DLGAP2: variants seen among roughly 807,000 people sequenced by gnomAD.
The protein encoded by DLGAP2 is disks large-associated protein 2.
DLGAP2 carries 26 observed loss-of-function variants against 100.3 expected under a neutral mutation model. That is an observed-to-expected ratio of 0.26 (90% CI 0.19 to 0.36). The LOEUF (loss-of-function observed/expected upper bound fraction) is 0.36. Ranked by LOEUF, DLGAP2 falls within the 10% of genes least tolerant of loss-of-function variation. DLGAP2 has a pLI of 1.00. For missense variants in DLGAP2, 1,858 were observed against 1,453.2 expected, an observed-to-expected ratio of 1.28 and a Z score of -4.53; for synonymous variants, 886 against 630.1, an observed-to-expected ratio of 1.41 and a Z score of -6.08.
At chr8:1,199,028 G>A (rs12547340) in intron 2 of DLGAP2, among the ~76,000 whole-genome samples, 7 of 152,136 alleles carry the variant, frequency 4.6e-5, no homozygotes, top group Non-Finnish European at 8.8e-5. Context: ...CAGAGGTCGC[G>A]TGGTTGAATA....
At chr8:1,529,134 A>G (rs1417348346) in intron 4 of DLGAP2, among the ~76,000 whole-genome samples, 1 of 152,196 alleles carries the variant, frequency 6.6e-6, no homozygotes, top group African/African-American at 2.4e-5. Context: ...ATGGCTGGTG[A>G]GGCCTCAGGA....
intron 1 of DLGAP2, among the ~76,000 whole-genome samples, chr8:769,102 A>G (rs1272450746): frequency 6.6e-6 from 1 of 152,110 alleles, no homozygotes; most frequent in Non-Finnish European, 1.5e-5. Context: ...CTGTCAGACT[A>G]GCAATAGTGA....
At chr8:972,616 CTTATTTAT>C (rs112414168) in intron 2 of DLGAP2, among the ~76,000 whole-genome samples, 12 of 150,190 alleles carry the variant, frequency 8.0e-5, no homozygotes, top group African/African-American at 2.2e-4. Flanking sequence ...GTATTTTTTT[CTTATTTAT>C]TTATTTATTT....
At chr8:1,185,713 ACACACACACACACTCACACT>A (rs1159448080) in intron 2 of DLGAP2, among the ~76,000 whole-genome samples, 10,909 of 106,272 alleles carry the variant, frequency 0.1, 1,253 homozygotes, top group African/African-American at 0.31. Flanking sequence ...TCACACTCAC[ACACACACACACACTCACACT>A]CACACACACA....
chr8:1,531,274 T>TGTGTG (rs1800983238), intron 4 of DLGAP2, among the ~76,000 whole-genome samples: 1 of 123,366 alleles, frequency 8.1e-6, no homozygotes, highest in Non-Finnish European at 1.6e-5. Flanking sequence ...GTGTGTGTGT[T>TGTGTG]CAGGTTCTTA....
intron 2 of DLGAP2, among the ~76,000 whole-genome samples, chr8:1,023,831 C>T (rs1391269080): frequency 3.6e-5 from 5 of 139,720 alleles, no homozygotes; most frequent in South Asian, 4.5e-4. Flanking sequence ...TTGGTCTTTC[C>T]GTCTGCAAGT....
intron 1 of DLGAP2, among the ~76,000 whole-genome samples, chr8:878,017 T>G (rs1360846554): frequency 6.6e-6 from 1 of 152,218 alleles, no homozygotes; most frequent in African/African-American, 2.4e-5. Context: ...TATTTCTTCA[T>G]TTGCTGTTTG....
chr8:917,413 A>G (rs1170817092), intron 2 of DLGAP2, among the ~76,000 whole-genome samples: 1 of 151,960 alleles, frequency 6.6e-6, no homozygotes, highest in Non-Finnish European at 1.5e-5. Context: ...TAATTTTTGA[A>G]TTTTTATAGA....
At chr8:1,149,184 T>C (rs537545921) in intron 2 of DLGAP2, among the ~76,000 whole-genome samples, 13 of 152,280 alleles carry the variant, frequency 8.5e-5, no homozygotes, top group Admixed American at 5.2e-4. Context: ...CTCGCTCTGT[T>C]GCCCAGGCTG....
At chr8:1,290,553 A>C (rs935681050) in intron 3 of DLGAP2, among the ~76,000 whole-genome samples, 9 of 152,228 alleles carry the variant, frequency 5.9e-5, no homozygotes, top group African/African-American at 1.9e-4. Context: ...GAGACAAGTC[A>C]CCCGCAGAGA....
chr8:1,661,712 C>G (rs576661634), intron 8 of DLGAP2, among the ~76,000 whole-genome samples: 1 of 152,136 alleles, frequency 6.6e-6, no homozygotes, highest in Non-Finnish European at 1.5e-5. Context: ...CTCCATGATG[C>G]TATCTGGGAG....
At chr8:1,656,009 A>T (rs906647097) in intron 8 of DLGAP2, among the ~76,000 whole-genome samples, 1 of 152,190 alleles carries the variant, frequency 6.6e-6, no homozygotes, top group Non-Finnish European at 1.5e-5. Flanking sequence ...GTGTAATGGT[A>T]TTTTAGGTGT....
intron 6 of DLGAP2, among the ~76,000 whole-genome samples, chr8:1,607,189 A>G (rs1020839200): frequency 1.3e-5 from 2 of 152,246 alleles, no homozygotes; most frequent in African/African-American, 4.8e-5. Context: ...GTTTTCATAT[A>G]CATATGTTTA....
intron 3 of DLGAP2, among the ~76,000 whole-genome samples, chr8:1,299,012 G>A (rs1216421669): frequency 2.6e-5 from 4 of 152,206 alleles, no homozygotes; most frequent in African/African-American, 9.6e-5. Flanking sequence ...GGGAGCAAAG[G>A]TGGGCAAAGG....
At chr8:1,086,698 A>C (rs78098652) in intron 2 of DLGAP2, among the ~76,000 whole-genome samples, 23,267 of 152,222 alleles carry the variant, frequency 0.15, 2,206 homozygotes, top group Non-Finnish European at 0.21. Context: ...TTAATTCATC[A>C]AGAATATGTA....
chr8:1,092,822 G>A (rs549823991), intron 2 of DLGAP2, among the ~76,000 whole-genome samples: 12 of 152,282 alleles, frequency 7.9e-5, no homozygotes, highest in African/African-American at 2.4e-4. Context: ...CCACAGGGAC[G>A]GATTCCTGGA....
At chr8:799,892 C>T (rs1250676099) in intron 1 of DLGAP2, among the ~76,000 whole-genome samples, 7 of 152,192 alleles carry the variant, frequency 4.6e-5, no homozygotes, top group African/African-American at 7.2e-5. Context: ...CCACAGCTCC[C>T]GGCCCCTCAC....
chr8:1,201,229 A>G (rs991062221), intron 2 of DLGAP2, among the ~76,000 whole-genome samples: 6 of 152,258 alleles, frequency 3.9e-5, no homozygotes, highest in African/African-American at 1.2e-4. Context: ...CCAGGGGTGC[A>G]TGCACGCGTG....
At chr8:1,464,509 A>C (rs796809876) in intron 3 of DLGAP2, among the ~76,000 whole-genome samples, 9 of 90,698 alleles carry the variant, frequency 9.9e-5, no homozygotes, top group African/African-American at 3.5e-4. Context: ...CCAGGACGGC[A>C]CCCTTCCAGG....
Sources: gnomAD v4.1 joint callset for allele counts (sites outside exome capture counted in the v4.1 genomes callset) on GRCh38, gnomAD v4.1.1 for gene constraint, MANE v1.5 for transcripts, NCBI Gene and HGNC (gene_info 2026-07-23, HGNC 2026-07-21) for gene names.